CST9L: variants seen among roughly 807,000 people sequenced by gnomAD.
CST9L encodes cystatin 9 like.
In CST9L, 17 loss-of-function variants were observed where a neutral mutation model predicts 13.2. That is an observed-to-expected ratio of 1.29 (90% CI 0.88 to 1.93). The LOEUF is 1.93. Ranked by LOEUF, CST9L falls within the 30% of genes most tolerant of loss-of-function variation. The pLI is 0.00. For synonymous variants in CST9L, 78 were observed against 69.1 expected, an observed-to-expected ratio of 1.13 and a Z score of -0.64; for missense variants, 170 against 170.5, an observed-to-expected ratio of 1.00 and a Z score of 0.02.
At position 23,568,237 on chromosome 20, in the gene CST9L, G is replaced by T. The variant is rs1989125357; in HGVS notation, c.214C>A (p.His72Asn). The T allele has an allele frequency of 1.9e-6, 3 of 1,614,138 alleles. No homozygotes were observed. The highest frequency in any genetic ancestry group is 2.2e-5 in the East Asian group (1 of 44,878). ...SKDYYAYRLG[H>N]ILNSWKEQVE... ...TGCTCCTTCCAGGAATTCAAGATGT[G>T]CCCCAGTCTGTAGGCATAGTAGTCC... The change falls in exon 1 of 3, where the codon CAC (histidine) becomes AAC (asparagine). Residue 72 changes from histidine (H) to asparagine (N), a missense_variant. Transcript: ENST00000376979.
At chr20:23,565,915 C>A (rs1385553300) in intron 2 of CST9L, 59 bp downstream of exon 2, 2 of 947,854 alleles carry the variant, frequency 2.1e-6, no homozygotes, top group Non-Finnish European at 3.5e-6. Flanking sequence ...TGTGCCCACA[C>A]CACACCCCAT....
At chr20:23,565,354 C>A (rs1394567629) in intron 2 of CST9L, among the ~76,000 whole-genome samples, 1 of 152,156 alleles carries the variant, frequency 6.6e-6, no homozygotes, top group African/African-American at 2.4e-5. Flanking sequence ...AATGCATTGT[C>A]CCAGTGGAAG....
In CST9L at chr20:23,565,020, G is replaced by A. The variant is rs981091313; in HGVS notation, c.372C>T (p.Phe124=). 2 of 1,613,740 alleles carry A rather than the reference G, an allele frequency of 1.2e-6. No individual in the cohort carries two copies. Among genetic ancestry groups the A allele is most frequent in the Non-Finnish European group, 1.7e-6 (2 of 1,179,708 alleles). ...TCATCCAGGGCCTGGTGCTGATGGT[G>A]AAGAAGCAGGTGAAAGTCTGAGAGA... The part of the protein sequence containing the change: ...TELNNTFTCF[F]TISTRPWMTQ... The change falls in exon 3 of 3, where the codon TTC becomes TTT. Residue 124 remains phenylalanine (F), a synonymous_variant. Transcript: ENST00000376979.
At chr20:23,568,163 G>C (rs752792336) in intron 1 of CST9L, 48 bp downstream of exon 1, 5 of 1,609,558 alleles carry the variant, frequency 3.1e-6, no homozygotes, top group Non-Finnish European at 4.2e-6. Context: ...ATTTTTCACT[G>C]AGCAGCACAT....
chr20:23,568,373 G>C lies in CST9L; in HGVS notation c.78C>G (p.Ile26Met). 6.2e-7 allele frequency: 1 copy of C among 1,614,200 alleles called. No individual in the cohort carries two copies. The highest frequency in any genetic ancestry group is 8.5e-7 in the Non-Finnish European group (1 of 1,180,018). Residue 26 changes from isoleucine to methionine, a missense_variant, in exon 1 of 3, where the codon ATC becomes ATG. Ile to Met is a conservative substitution (Grantham distance 10, BLOSUM62 1). Coordinates refer to ENST00000376979, the MANE Select transcript of CST9L (RefSeq NM_080610.3). ...LLLLGSQILLIYAWHFHEQRD... is the reference protein window; with the variant it reads ...LLLLGSQILLMYAWHFHEQRD... Reference sequence around the variant, plus strand: ...TTTGCTCGTGGAAATGCCAGGCATAGATCAGCAGGATCTGGGAGCCTAAGA... The same window carrying C: ...TTTGCTCGTGGAAATGCCAGGCATACATCAGCAGGATCTGGGAGCCTAAGA...
rs1398457448 is a variant in CST9L at position 23,564,757 on chromosome 20, A to T, written c.*191T>A. 2 of 584,614 alleles carry T rather than the reference A, an allele frequency of 3.4e-6. No individual in the cohort carries two copies. Among genetic ancestry groups the T allele is most frequent in the East Asian group, 5.7e-5 (2 of 35,186 alleles). 36.2% of individuals were successfully genotyped at this position (584,614 alleles called of 1,614,324 possible). On this transcript the variant is annotated 3_prime_UTR_variant, in exon 3 of 3. Coordinates refer to ENST00000376979, the MANE Select transcript of CST9L (RefSeq NM_080610.3). ...TTTCTTAAAATGCTGATGTTTAATG[A>T]TCTACACTACATGATTAGGCTCAAG...
chr20:23,565,881 C>G lies in CST9L; in HGVS notation c.354+93G>C. On this transcript the variant is annotated intron_variant, in intron 2 of 2. Transcript: ENST00000376979. ...TAGAGGCTGCTGCAGGCTCACTCCT[C>G]TAAGTCTCTTTGTCAGTTGCACCTG... The G allele has an allele frequency of 5.0e-6, 4 of 803,044 alleles. No homozygotes were observed. The Admixed American group carries it at 5.1e-5, about 10-fold the overall frequency. The allele number at this position is 803,044 out of a possible 1,614,324, so 49.7% of individuals were successfully genotyped here.
chr20:23,568,467 A>G lies in CST9L; in HGVS notation c.-17T>C, dbSNP rs1388694697. 1 of 1,611,286 alleles carries G rather than the reference A, an allele frequency of 6.2e-7. No homozygotes were observed. Among genetic ancestry groups the G allele is most frequent in the South Asian group, 1.1e-5 (1 of 90,584 alleles). On this transcript the variant is annotated 5_prime_UTR_variant, in exon 1 of 3. Transcript: ENST00000376979. ...GCCCAGCATGGTGCTGACTGTAGGCACCGCTGACTTTGCTCTTCCCAGCCC... is the reference window on the plus strand; with the variant it reads ...GCCCAGCATGGTGCTGACTGTAGGCGCCGCTGACTTTGCTCTTCCCAGCCC...
Position 23,564,873 on chromosome 20 carries a change from A to G in CST9L, c.*75T>C, listed in dbSNP as rs967062492. 6 of 995,416 alleles carry G rather than the reference A, an allele frequency of 6.0e-6. No homozygotes were observed. The highest frequency in any genetic ancestry group is 1.3e-5 in the South Asian group (1 of 78,310). The allele number at this position is 995,416 out of a possible 1,614,324, so 61.7% of individuals were successfully genotyped here. A position where few individuals can be genotyped will look rare whatever the true frequency, so the allele number is the denominator to read the frequency against. ...GTCCAAAGCTGCTCAGCCACTGAAG[A>G]GTCCTCAGGAGAGTAGTGCTGATGT... On this transcript the variant is annotated 3_prime_UTR_variant, in exon 3 of 3. Transcript: ENST00000376979.
At chr20:23,567,180 G>T (rs895537687) in intron 1 of CST9L, among the ~76,000 whole-genome samples, 4 of 152,134 alleles carry the variant, frequency 2.6e-5, no homozygotes, top group Non-Finnish European at 5.9e-5. Flanking sequence ...CAGTAATGAG[G>T]TAGGAAGAGC....
At position 23,568,326 on chromosome 20, in the gene CST9L, A is replaced by T; in HGVS notation, c.125T>A (p.Val42Asp). 4 of 1,614,214 alleles carry T rather than the reference A, an allele frequency of 2.5e-6. No homozygotes were observed. The South Asian group carries it at 4.4e-5, about 18-fold the overall frequency. Residue 42 changes from valine to aspartate, a missense_variant, in exon 1 of 3, where the codon GTC becomes GAC. By Grantham distance (152) the Val-to-Asp change is radical (BLOSUM62 -3). Transcript: ENST00000376979. Reference protein sequence around the residue: ...HEQRDCDEHNVMARYLPATVE... With the variant: ...HEQRDCDEHNDMARYLPATVE... ...TGTGGCAGGGAGGTAACGAGCCATG[A>T]CATTGTGTTCATCACAGTCCCTTTG...
At position 23,568,253 on chromosome 20, in the gene CST9L, A is replaced by G. The variant is rs1989125759; in HGVS notation, c.198T>C (p.Tyr66=). 1 of 1,614,174 alleles carries G rather than the reference A, an allele frequency of 6.2e-7. No homozygotes were observed. The highest frequency in any genetic ancestry group is 1.6e-4 in the Middle Eastern group (1 of 6,062). ...TCAAGATGTGCCCCAGTCTGTAGGCATAGTAGTCCTTGCTCTGTTGGTTGA... is the reference window on the plus strand; with the variant it reads ...TCAAGATGTGCCCCAGTCTGTAGGCGTAGTAGTCCTTGCTCTGTTGGTTGA... ...HTFNQQSKDY[Y]AYRLGHILNS... The change falls in exon 1 of 3, where the codon TAT becomes TAC. Residue 66 remains tyrosine, a synonymous_variant. Transcript: ENST00000376979.
At chr20:23,568,163 G>A (rs752792336) in intron 1 of CST9L, 48 bp downstream of exon 1, 11 of 1,609,440 alleles carry the variant, frequency 6.8e-6, no homozygotes, top group Middle Eastern at 1.6e-4. Context: ...ATTTTTCACT[G>A]AGCAGCACAT....
chr20:23,568,184 A>G (rs1319377123), intron 1 of CST9L, 27 bp downstream of exon 1: 1 of 1,613,678 alleles, frequency 6.2e-7, no homozygotes, highest in South Asian at 1.1e-5. Context: ...GCCAGATGCC[A>G]GGGCAGGAGG....
rs1989089026 is a variant in CST9L, at chr20:23,566,006, A to G, written c.322T>C (p.Cys108Arg). ...AGCTCTGTGCTTTCTTGGAAATGGC[A>G]GTTGTCAATGTCGTCTTCAAATTTC... ...CGKFEDDIDN[C>R]HFQESTELNN... The change falls in exon 2 of 3, where the codon TGC (cysteine) becomes CGC (arginine). Residue 108 changes from cysteine to arginine, a missense_variant. Coordinates refer to ENST00000376979, the MANE Select transcript of CST9L (RefSeq NM_080610.3). 1 of 1,605,340 alleles carries G rather than the reference A, an allele frequency of 6.2e-7. No individual in the cohort carries two copies. Among genetic ancestry groups the G allele is most frequent in the Non-Finnish European group, 8.5e-7 (1 of 1,171,898 alleles).
At chr20:23,567,579 C>T (rs1475237197) in intron 1 of CST9L, among the ~76,000 whole-genome samples, 1 of 149,442 alleles carries the variant, frequency 6.7e-6, no homozygotes, top group African/African-American at 2.5e-5. Context: ...CACAGATGAA[C>T]TGTGCATTCC....
rs756580593 is a variant in CST9L, at chr20:23,565,033, A to T, written c.359T>A (p.Phe120Tyr). ...GGTGCTGATGGTGAAGAAGCAGGTGAAAGTCTGAGAGAACAAGCACAGGAA... is the reference window on the plus strand; with the variant it reads ...GGTGCTGATGGTGAAGAAGCAGGTGTAAGTCTGAGAGAACAAGCACAGGAA... ...FQESTELNNT[F>Y]TCFFTISTRP... Residue 120 changes from phenylalanine to tyrosine, a missense_variant, in exon 3 of 3, where the codon TTC becomes TAC. Phe to Tyr is a conservative substitution (Grantham distance 22). Transcript: ENST00000376979. The T allele has an allele frequency of 6.2e-7, 1 of 1,613,136 alleles. No homozygotes were observed. Among genetic ancestry groups the T allele is most frequent in the Non-Finnish European group, 8.5e-7 (1 of 1,179,212 alleles).
At chr20:23,565,792 C>T (rs1681476403) in intron 2 of CST9L, among the ~76,000 whole-genome samples, 182 bp downstream of exon 2, 1 of 152,162 alleles carries the variant, frequency 6.6e-6, no homozygotes, top group Admixed American at 6.5e-5. Flanking sequence ...CAGGAGCCTG[C>T]AAGTGGACCC....
chr20:23,567,555 G>A (rs767812201), intron 1 of CST9L, among the ~76,000 whole-genome samples: 25 of 142,590 alleles, frequency 1.8e-4, no homozygotes, highest in Non-Finnish European at 2.9e-4. Flanking sequence ...TATTTTCATT[G>A]TTCATGCCTA....
Sources: gnomAD v4.1 joint callset for allele counts (sites outside exome capture counted in the v4.1 genomes callset) on GRCh38, gnomAD v4.1.1 for gene constraint, MANE v1.5 for transcripts, NCBI Gene and HGNC (gene_info 2026-07-23, HGNC 2026-07-21) for gene names.